Variants in UTP11 observed in about 807,000 individuals in gnomAD.
UTP11 encodes the protein UTP11 small subunit processome component.
A neutral mutation model predicts 39.0 loss-of-function variants in UTP11; 29 were observed. That is an observed-to-expected ratio of 0.74 (90% CI 0.55 to 1.01). The LOEUF (loss-of-function observed/expected upper bound fraction) is 1.01, where lower values mean the gene tolerates loss of function less well. Among genes scored for constraint, UTP11 ranks in the 50% least tolerant of loss-of-function variants. The pLI is 0.00. For missense variants in UTP11, 281 were observed against 306.0 expected (o/e 0.92, Z 0.61); for synonymous variants, 111 against 105.0 (o/e 1.06, Z -0.35).
chr1:38,013,583 C>T (rs1361839171), intron 1 of UTP11, among the ~76,000 whole-genome samples: 2 of 152,102 alleles, frequency 1.3e-5, no homozygotes, highest in African/African-American at 2.4e-5. Flanking sequence ...TCAGAAAGGC[C>T]CTTAGACATA....
chr1:38,019,274 C>T lies in UTP11; in HGVS notation c.458C>T (p.Thr153Ile), dbSNP rs754101188. 3.1e-6 allele frequency: 5 copies of T among 1,613,992 alleles called. No homozygotes were observed. In the South Asian group the frequency reaches 3.3e-5, roughly 11 times the overall value. Residue 153 changes from threonine to isoleucine, a missense_variant, in exon 6 of 8, where the codon ACT (threonine) becomes ATT (isoleucine). Coordinates refer to ENST00000373014, the MANE Select transcript of UTP11 (RefSeq NM_016037.4). Reference protein sequence around the residue: ...KKEVEQFDVATHLQTAPELVD... With the variant: ...KKEVEQFDVAIHLQTAPELVD... ...TTAGTTGAACAGTTTGATGTCGCAA[C>T]TCACCTGCAAACAGCCCCGGAGCTA...
In UTP11 at chr1:38,017,729, C is replaced by G; in HGVS notation, c.187C>G (p.Pro63Ala). 1 of 1,605,340 alleles carries G rather than the reference C, an allele frequency of 6.2e-7. No homozygotes were observed. Among genetic ancestry groups the G allele is most frequent in the Non-Finnish European group, 8.5e-7 (1 of 1,175,848 alleles). The change falls in exon 3 of 8, where the codon CCA (proline) becomes GCA (alanine). Residue 63 changes from proline (P) to alanine (A), a missense_variant. By Grantham distance (27) the Pro-to-Ala change is conservative. Transcript: ENST00000373014. Reference protein sequence around the residue: ...ALRKKALEKNPDEFYYKMTRV... With the variant: ...ALRKKALEKNADEFYYKMTRV... Reference sequence around the variant, plus strand: ...TCGGAAGAAGGCTCTTGAAAAAAATCCAGATGAATTCTACTACAAAATGAC... The same window carrying G: ...TCGGAAGAAGGCTCTTGAAAAAAATGCAGATGAATTCTACTACAAAATGAC...
At chr1:38,014,222 C>T (rs1557768623) in intron 1 of UTP11, among the ~76,000 whole-genome samples, 1 of 152,180 alleles carries the variant, frequency 6.6e-6, no homozygotes, top group African/African-American at 2.4e-5. Context: ...GCAGAGAAGA[C>T]AGAGGGCTTT....
chr1:38,022,070 C>G (rs899733675), intron 6 of UTP11, among the ~76,000 whole-genome samples: 1 of 152,184 alleles, frequency 6.6e-6, no homozygotes. Flanking sequence ...TTTTCAGGCA[C>G]CAGCACACTG....
At position 38,019,250 on chromosome 1, in the gene UTP11, T is replaced by G. The variant is rs201471021; in HGVS notation, c.437-3T>G. Reference sequence around the variant, plus strand: ...GTGCCTTAAGGATTGTCTTGAATTTTAGTTGAACAGTTTGATGTCGCAACT... The same window carrying G: ...GTGCCTTAAGGATTGTCTTGAATTTGAGTTGAACAGTTTGATGTCGCAACT... On this transcript the variant is annotated splice_region_variant and splice_polypyrimidine_tract_variant and intron_variant, in intron 5 of 7. Coordinates refer to ENST00000373014, the MANE Select transcript of UTP11 (RefSeq NM_016037.4). 1.4e-4 allele frequency: 231 copies of G among 1,614,046 alleles called. No homozygotes were observed. The highest frequency in any genetic ancestry group is 1.8e-4 in the Non-Finnish European group (215 of 1,180,030).
In UTP11 at chr1:38,022,708, A is replaced by G. The variant is rs756037929; in HGVS notation, c.577A>G (p.Lys193Glu). The G allele has an allele frequency of 1.3e-5, 21 of 1,612,530 alleles. No homozygotes were observed. The Admixed American group carries it at 3.0e-4, about 23-fold the overall frequency. ...TGTGTTTCTTCTCCAGCGAATAGCT[A>G]AAGAAAGGCAAAAGCAGTATAACTG... ...TNQTGLKRIA[K>E]ERQKQYNCLT... The change falls in exon 7 of 8, where the codon AAA (lysine) becomes GAA (glutamate). Residue 193 changes from lysine (K) to glutamate (E), a missense_variant. Coordinates refer to ENST00000373014, the MANE Select transcript of UTP11 (RefSeq NM_016037.4).
At position 38,019,303 on chromosome 1, in the gene UTP11, G is replaced by A. The variant is rs747833070; in HGVS notation, c.487G>A (p.Asp163Asn). The change falls in exon 6 of 8, where the codon GAC becomes AAC. Residue 163 changes from aspartate (D) to asparagine (N), a missense_variant. Asp to Asn is a conservative substitution (Grantham distance 23, BLOSUM62 1). Transcript: ENST00000373014. Reference protein sequence around the residue: ...THLQTAPELVDRVFNRPRIET... With the variant: ...THLQTAPELVNRVFNRPRIET... ...CCTGCAAACAGCCCCGGAGCTAGTC[G>A]ACAGAGTCTTTAATAGGCCCAGGAT... The A allele has an allele frequency of 1.9e-5, 30 of 1,613,924 alleles. No individual in the cohort carries two copies. The highest frequency in any genetic ancestry group is 2.2e-5 in the East Asian group (1 of 44,898).
intron 6 of UTP11, among the ~76,000 whole-genome samples, chr1:38,021,180 C>A (rs1646735107): frequency 6.6e-6 from 1 of 152,094 alleles, no homozygotes; most frequent in Non-Finnish European, 1.5e-5. Flanking sequence ...CTCAGCCTCC[C>A]AAAGTGCAGG....
intron 6 of UTP11, among the ~76,000 whole-genome samples, chr1:38,021,123 A>G (rs959015732): frequency 3.9e-5 from 6 of 152,044 alleles, no homozygotes; most frequent in African/African-American, 1.5e-4. Context: ...GGGTTTCACC[A>G]TTTTGGCTAG....
intron 1 of UTP11, among the ~76,000 whole-genome samples, chr1:38,014,874 G>T (rs1473221486): frequency 1.3e-5 from 2 of 151,992 alleles, no homozygotes; most frequent in African/African-American, 4.8e-5. Flanking sequence ...GAACTCCTGG[G>T]CTCAAGTGAT....
chr1:38,013,380 A>G (rs1646689100), intron 1 of UTP11, among the ~76,000 whole-genome samples: 1 of 152,200 alleles, frequency 6.6e-6, no homozygotes, highest in Non-Finnish European at 1.5e-5. Flanking sequence ...GGCCTTTTCC[A>G]TTCCCATTAT....
At chr1:38,017,092 C>T (rs946447881) in intron 2 of UTP11, 7 of 152,384 alleles carry the variant, frequency 4.6e-5, no homozygotes, top group African/African-American at 1.7e-4. Flanking sequence ...GGATATTTAC[C>T]GTTTTTACAC....
At chr1:38,013,903 CG>C (rs2148736190) in intron 1 of UTP11, among the ~76,000 whole-genome samples, 1 of 152,228 alleles carries the variant, frequency 6.6e-6, no homozygotes, top group East Asian at 1.9e-4. Context: ...TTAGTAGAGA[CG>C]GGGTTTTGTC....
chr1:38,017,683 A>T lies in UTP11; in HGVS notation c.141A>T (p.Lys47Asn), dbSNP rs149784919. The change falls in exon 3 of 8, where the codon AAA becomes AAT. Residue 47 changes from lysine (K) to asparagine (N), a missense_variant. Lys to Asn is a moderately conservative substitution (Grantham distance 94). Coordinates refer to ENST00000373014, the MANE Select transcript of UTP11 (RefSeq NM_016037.4). ...YKLRADDYRK[K>N]QEYLKALRKK... ...TGTCTTTTAGTGACTACCGTAAAAA[A>T]CAAGAATACCTCAAAGCTCTTCGGA... is the stretch of plus-strand genomic sequence containing the variant. 6.2e-7 allele frequency: 1 copy of T among 1,600,646 alleles called. No homozygotes were observed. The highest frequency in any genetic ancestry group is 8.5e-7 in the Non-Finnish European group (1 of 1,174,764).
intron 3 of UTP11, among the ~76,000 whole-genome samples, chr1:38,018,163 C>T (rs535640659): frequency 2.1e-4 from 32 of 152,122 alleles, no homozygotes; most frequent in African/African-American, 6.5e-4. Context: ...CTCTGCCTCC[C>T]GGGTTCAAGT....
chr1:38,015,582 G>T (rs1298245196), intron 1 of UTP11, among the ~76,000 whole-genome samples: 1 of 152,176 alleles, frequency 6.6e-6, no homozygotes, highest in Non-Finnish European at 1.5e-5. Flanking sequence ...TGTGTAAGGA[G>T]CATAGCACAT....
In UTP11 at chr1:38,012,788, C is replaced by CGGCTTTTCGG; in HGVS notation, c.-15_-14insGGCTTTTCGG. On this transcript the variant is annotated 5_prime_UTR_variant, in exon 1 of 8. Coordinates refer to ENST00000373014, the MANE Select transcript of UTP11 (RefSeq NM_016037.4). ...TCCGGCGTTCTCCACTGATCTTTTC[C>CGGCTTTTCGG]AAGGCTGTACAGACATGGCGGCGGC... The CGGCTTTTCGG allele has an allele frequency of 6.2e-7, 1 of 1,614,194 alleles. No individual in the cohort carries two copies. Among genetic ancestry groups the CGGCTTTTCGG allele is most frequent in the Non-Finnish European group, 8.5e-7 (1 of 1,180,028 alleles).
In UTP11 at chr1:38,024,422, G is replaced by C. The variant is rs1254390310; in HGVS notation, c.*794G>C. The C allele has an allele frequency of 7.4e-6, 1 of 135,586 alleles. No individual in the cohort carries two copies. Among genetic ancestry groups the C allele is most frequent in the Non-Finnish European group, 1.5e-5 (1 of 64,714 alleles). The allele number at this position is 135,586 out of a possible 1,614,324, so 8.4% of individuals were successfully genotyped here. On this transcript the variant is annotated 3_prime_UTR_variant, in exon 8 of 8. Coordinates refer to ENST00000373014, the MANE Select transcript of UTP11 (RefSeq NM_016037.4). ...TTTTTTTTTTTTTTTTTGAGACGGA[G>C]TCTCGCTCTGTCGCCCAGGCCGGAC...
chr1:38,018,757 C>A (rs149368808), intron 4 of UTP11, among the ~76,000 whole-genome samples, 180 bp downstream of exon 4: 37 of 152,260 alleles, frequency 2.4e-4, no homozygotes, highest in African/African-American at 8.4e-4. Flanking sequence ...ATGAGACAGA[C>A]CTAGGGTTTG....
Sources: allele counts gnomAD v4.1 joint callset (sites outside exome capture counted in the v4.1 genomes callset), GRCh38; gene constraint gnomAD v4.1.1; transcripts MANE v1.5; gene names NCBI Gene and HGNC (gene_info 2026-07-23, HGNC 2026-07-21).